THSD7B: variants seen among roughly 807,000 people sequenced by gnomAD.
THSD7B encodes thrombospondin type 1 domain containing 7B.
In THSD7B, 138 loss-of-function variants were observed where a neutral mutation model predicts 213.6. The ratio of observed to expected loss-of-function variants is 0.65; its 90% CI spans 0.56 to 0.74. THSD7B has a LOEUF of 0.74. Among genes scored for constraint, THSD7B ranks in the 30% least tolerant of loss-of-function variants. THSD7B has a pLI of 0.00. For missense variants in THSD7B, 1,931 were observed against 1,991.5 expected (o/e 0.97, Z 0.58); for synonymous variants, 742 against 687.0 (o/e 1.08, Z -1.25).
At chr2:137,275,591 C>T (rs1388026193) in intron 11 of THSD7B, among the ~76,000 whole-genome samples, 2 of 150,838 alleles carry the variant, frequency 1.3e-5, no homozygotes, top group Non-Finnish European at 3.0e-5. Context: ...AAGAACTAGA[C>T]CCTCCAGACT....
At chr2:137,404,478 C>T (rs111673606) in intron 12 of THSD7B, among the ~76,000 whole-genome samples, 1,090 of 103,570 alleles carry the variant, frequency 0.011, 2 homozygotes, top group African/African-American at 0.015. Flanking sequence ...TATATATACA[C>T]ACACACACAC....
intron 3 of THSD7B, 44 bp from the exon 4 acceptor site, chr2:137,094,829 C>T (rs767223645): frequency 7.0e-6 from 11 of 1,581,634 alleles, no homozygotes; most frequent in Non-Finnish European, 9.5e-6. Flanking sequence ...TTAGTTGCAT[C>T]CATTAATATA....
chr2:137,205,763 T>G (rs1334299880), intron 7 of THSD7B, among the ~76,000 whole-genome samples: 1 of 152,046 alleles, frequency 6.6e-6, no homozygotes, highest in Non-Finnish European at 1.5e-5. Context: ...TATTTGTTAC[T>G]TTTAACATCA....
rs556334125 is a variant in THSD7B, at chr2:136,912,047, T to A, written c.139+29730T>A. On this transcript the variant is annotated intron_variant, in intron 2 of 27. Coordinates refer to ENST00000409968, the MANE Select transcript of THSD7B (RefSeq NM_001316349.2). ...GGAAGAAAGGAGGGGCCAGGTGCAG[T>A]GGCTCATGTAATCCCAGCACTTTGG... Among the ~76,000 whole-genome samples, 3 of 152,096 alleles carry A rather than the reference T, an allele frequency of 2.0e-5. No homozygotes were observed. In the South Asian group the frequency reaches 6.2e-4, roughly 32 times the overall value.
chr2:137,450,953 G>A lies in THSD7B; in HGVS notation c.3068G>A (p.Arg1023Gln), dbSNP rs201581181. 133 of 1,612,570 alleles carry A rather than the reference G, an allele frequency of 8.2e-5. 1 individual carries two copies. Among genetic ancestry groups the A allele is most frequent in the Non-Finnish European group, 2.9e-5 (34 of 1,179,226 alleles). ...TCTTGTGGAATTGGAGTGAGAATTC[G>A]ATCCAAATGGCTAAAAGAAAAACCT... ...SSSCGIGVRI[R>Q]SKWLKEKPYN... is the part of the protein sequence containing the mutation. Residue 1023 changes from arginine (R) to glutamine (Q), a missense_variant, in exon 15 of 28, where the codon CGA (arginine) becomes CAA (glutamine). Transcript: ENST00000409968.
At chr2:137,299,647 T>G (rs370990005) in intron 12 of THSD7B, among the ~76,000 whole-genome samples, 2 of 152,222 alleles carry the variant, frequency 1.3e-5, no homozygotes, top group South Asian at 2.1e-4. Context: ...TAAAGAAAGA[T>G]GTAGGGAATA....
intron 10 of THSD7B, among the ~76,000 whole-genome samples, chr2:137,250,371 C>G (rs1309137429): frequency 6.6e-6 from 1 of 152,046 alleles, no homozygotes; most frequent in African/African-American, 2.4e-5. Context: ...CCTCACCTGC[C>G]TAGAGTTAAT....
intron 2 of THSD7B, among the ~76,000 whole-genome samples, chr2:136,944,574 G>A (rs1264391307): frequency 6.6e-6 from 1 of 151,964 alleles, no homozygotes; most frequent in Non-Finnish European, 1.5e-5. Context: ...TCCTGTATTG[G>A]GTGCATATAT....
intron 1 of THSD7B, among the ~76,000 whole-genome samples, chr2:136,813,819 A>G (rs1682427147): frequency 1.3e-5 from 2 of 152,164 alleles, no homozygotes; most frequent in African/African-American, 4.8e-5. Context: ...TTTCTCTTTT[A>G]GAGTTCATTA....
intron 3 of THSD7B, among the ~76,000 whole-genome samples, chr2:137,082,298 T>C (rs1687761339): frequency 6.6e-6 from 1 of 152,064 alleles, no homozygotes; most frequent in Admixed American, 6.6e-5. Flanking sequence ...AATTTGAAAG[T>C]GTGTATATGT....
intron 14 of THSD7B, among the ~76,000 whole-genome samples, chr2:137,412,332 G>A (rs1686676905): frequency 6.6e-6 from 1 of 151,818 alleles, no homozygotes; most frequent in Admixed American, 6.6e-5. Context: ...CAGGCGCGGT[G>A]GCTCACGCCT....
chr2:137,010,624 G>A (rs934915468), intron 2 of THSD7B, among the ~76,000 whole-genome samples: 6 of 152,174 alleles, frequency 3.9e-5, no homozygotes, highest in Admixed American at 3.3e-4. Flanking sequence ...GCCAACACAT[G>A]TTATTTCTCA....
chr2:137,646,857 G>A (rs1017545127), intron 21 of THSD7B, among the ~76,000 whole-genome samples: 3 of 152,124 alleles, frequency 2.0e-5, no homozygotes, highest in Admixed American at 1.3e-4. Flanking sequence ...CTTTAAAAGA[G>A]GGTGCAGTGT....
intron 21 of THSD7B, among the ~76,000 whole-genome samples, chr2:137,647,421 TTCTC>T (rs60400076): frequency 1.2e-4 from 10 of 84,496 alleles, no homozygotes; most frequent in Non-Finnish European, 2.3e-4. Flanking sequence ...CTCTGTCTCT[TTCTC>T]TCTCTCTCTC....
intron 1 of THSD7B, among the ~76,000 whole-genome samples, chr2:136,825,485 C>G (rs1174635048): frequency 2.6e-5 from 4 of 152,148 alleles, no homozygotes; most frequent in Non-Finnish European, 1.5e-5. Flanking sequence ...CCTGCAGCAA[C>G]AGTCCAGTCC....
chr2:136,898,397 C>T (rs1684001616), intron 2 of THSD7B, among the ~76,000 whole-genome samples: 1 of 152,108 alleles, frequency 6.6e-6, no homozygotes, highest in Non-Finnish European at 1.5e-5. Context: ...GCAGTGAACT[C>T]CTGACCTCAG....
chr2:137,225,601 A>T (rs905425311), intron 7 of THSD7B, among the ~76,000 whole-genome samples: 10 of 152,308 alleles, frequency 6.6e-5, no homozygotes, highest in African/African-American at 2.4e-4. Context: ...CCTCAGGTGT[A>T]ACAATAGTGC....
chr2:137,591,604 T>G (rs942935421), intron 17 of THSD7B, among the ~76,000 whole-genome samples: 1 of 151,954 alleles, frequency 6.6e-6, no homozygotes, highest in Non-Finnish European at 1.5e-5. Flanking sequence ...AAAAATTGGT[T>G]CCATGTATTA....
chr2:137,533,884 T>G (rs1367654186), intron 15 of THSD7B, among the ~76,000 whole-genome samples: 1 of 151,860 alleles, frequency 6.6e-6, no homozygotes, highest in Non-Finnish European at 1.5e-5. Flanking sequence ...ATAAAAACTT[T>G]GACTAAACAA....
Sources: gnomAD v4.1 joint callset for allele counts (sites outside exome capture counted in the v4.1 genomes callset) on GRCh38, gnomAD v4.1.1 for gene constraint, MANE v1.5 for transcripts, NCBI Gene and HGNC (gene_info 2026-07-23, HGNC 2026-07-21) for gene names.